R3HDM1: variants seen among roughly 807,000 people sequenced by gnomAD.
R3HDM1 encodes the protein R3H domain containing 1.
In R3HDM1, 46 loss-of-function variants were observed where a neutral mutation model predicts 141.1. The observed-to-expected ratio is 0.33, with a 90% CI of 0.26 to 0.42. R3HDM1 has a LOEUF of 0.42. Ranked by LOEUF, R3HDM1 falls within the 10% of genes least tolerant of loss-of-function variation. R3HDM1 has a pLI of 1.00. For synonymous variants in R3HDM1, 435 were observed against 472.9 expected, an observed-to-expected ratio of 0.92 and a Z score of 1.04; for missense variants, 1,184 against 1,368.3, an observed-to-expected ratio of 0.87 and a Z score of 2.12.
Position 135,649,902 on chromosome 2 carries a change from C to T in R3HDM1, c.1624C>T (p.Pro542Ser). 2 of 1,248,982 alleles carry T rather than the reference C, an allele frequency of 1.6e-6. No individual in the cohort carries two copies. The highest frequency in any genetic ancestry group is 2.9e-5 in the South Asian group (2 of 69,740). The allele number at this position is 1,248,982 out of a possible 1,614,324, so 77.4% of individuals were successfully genotyped here. The change falls in exon 17 of 27, where the codon CCT becomes TCT. Residue 542 changes from proline (P) to serine (S), a missense_variant and splice_region_variant. By Grantham distance (74) the Pro-to-Ser change is moderately conservative. Coordinates refer to ENST00000683871, the MANE Select transcript of R3HDM1 (RefSeq NM_001378107.1). ...TGTTTGCCAACCTGTTATTCTTTAG[C>T]CTGTTCATCCTCTGCAGTCCTCTTC... ...QPAANHIFSQ[P>S]VHPLQSSSQP...
intron 4 of R3HDM1, 28 bp downstream of exon 4, chr2:135,616,221 A>T: frequency 6.3e-7 from 1 of 1,593,692 alleles, no homozygotes; most frequent in Non-Finnish European, 8.6e-7. Context: ...GTGTGCTGGC[A>T]TGCCAAGGGC....
intron 3 of R3HDM1, among the ~76,000 whole-genome samples, chr2:135,610,461 A>G (rs1056052915): frequency 1.3e-5 from 2 of 152,186 alleles, no homozygotes; most frequent in African/African-American, 2.4e-5. Context: ...GCTAAAGTAC[A>G]TGTTTTGTAT....
At chr2:135,587,060 G>C (rs1360359128) in intron 1 of R3HDM1, 1 of 836,026 alleles carries the variant, frequency 1.2e-6, no homozygotes, top group East Asian at 1.2e-4. Flanking sequence ...GCAAAACCTA[G>C]ATCTGTCATT....
At chr2:135,674,922 A>G (rs886162687) in intron 19 of R3HDM1, among the ~76,000 whole-genome samples, 2 of 150,962 alleles carry the variant, frequency 1.3e-5, no homozygotes, top group Non-Finnish European at 2.9e-5. Flanking sequence ...CCAACTTGAA[A>G]TTCTTAATAG....
At chr2:135,715,121 A>C (rs1305871302) in intron 23 of R3HDM1, among the ~76,000 whole-genome samples, 1 of 152,206 alleles carries the variant, frequency 6.6e-6, no homozygotes, top group Non-Finnish European at 1.5e-5. Flanking sequence ...AGGCTGAGCC[A>C]GGCGGATCAC....
Position 135,641,706 on chromosome 2 carries a change from G to T in R3HDM1, c.1390G>T (p.Ala464Ser). Residue 464 changes from alanine to serine, a missense_variant, in exon 15 of 27, where the codon GCA becomes TCA. Coordinates refer to ENST00000683871, the MANE Select transcript of R3HDM1 (RefSeq NM_001378107.1). ...SFDGGLNGQV[A>S]SPSTSFFLLP... ...TGATGGTGGCCTAAATGGGCAAGTC[G>T]CATCTCCTAGCACTAGCTTCTTTTT... 2 of 1,614,104 alleles carry T rather than the reference G, an allele frequency of 1.2e-6. No homozygotes were observed. Among genetic ancestry groups the T allele is most frequent in the Middle Eastern group, 1.6e-4 (1 of 6,062 alleles).
chr2:135,608,053 C>T (rs2060226556), intron 3 of R3HDM1: 1 of 881,964 alleles, frequency 1.1e-6, no homozygotes, highest in Non-Finnish European at 1.4e-6. Context: ...CAGTGGCTCA[C>T]ATCTGTAATC....
At chr2:135,680,809 G>C (rs1048544368) in intron 21 of R3HDM1, among the ~76,000 whole-genome samples, 3 of 152,162 alleles carry the variant, frequency 2.0e-5, no homozygotes, top group African/African-American at 7.2e-5. Flanking sequence ...AGTAAAATCA[G>C]TACAAGGAAA....
intron 21 of R3HDM1, among the ~76,000 whole-genome samples, chr2:135,692,370 C>T (rs1007740240): frequency 2.0e-5 from 3 of 152,130 alleles, no homozygotes; most frequent in African/African-American, 7.2e-5. Context: ...GAGGCCAAGG[C>T]GGGTGGATCA....
At chr2:135,531,751 G>A (rs1212850947) in intron 1 of R3HDM1, 118 bp downstream of exon 1, 2 of 985,866 alleles carry the variant, frequency 2.0e-6, no homozygotes, top group Admixed American at 1.2e-4. Context: ...GGAGAGATGT[G>A]GTGTGTGGAA....
At chr2:135,641,940 AG>A (rs1405561167) in intron 15 of R3HDM1, 150 bp downstream of exon 15, 1 of 1,066,454 alleles carries the variant, frequency 9.4e-7, no homozygotes, top group African/African-American at 1.6e-5. Context: ...ACTTAATGCT[AG>A]GGAAGTTTCA....
intron 1 of R3HDM1, among the ~76,000 whole-genome samples, chr2:135,595,210 T>C (rs1710356788): frequency 6.6e-6 from 1 of 152,176 alleles, no homozygotes; most frequent in African/African-American, 2.4e-5. Context: ...TCAAATCCAT[T>C]TTCCTCCCAG....
rs773462247 is a variant in R3HDM1 at position 135,724,288 on chromosome 2, A to G, written c.3401A>G (p.Gln1134Arg). Residue 1134 changes from glutamine (Q) to arginine (R), a missense_variant, in exon 27 of 27, where the codon CAG (glutamine) becomes CGG (arginine). By Grantham distance (43) the Gln-to-Arg change is conservative (BLOSUM62 1). Around this residue, in one of 5 missense-constraint regions of R3HDM1, gnomAD observed 182 missense variants for 252.6 expected, o/e 0.72. Coordinates refer to ENST00000683871, the MANE Select transcript of R3HDM1 (RefSeq NM_001378107.1). ...CACATTTTGGAAAGGGCAAGTTCTC[A>G]GTAACAGCCACCTTTGGACCCTTCG... is the stretch of plus-strand genomic sequence containing the variant. ...DFHILERASS[Q>R] is the part of the protein sequence containing the mutation. 6.2e-7 allele frequency: 1 copy of G among 1,601,546 alleles called. No homozygotes were observed. The highest frequency in any genetic ancestry group is 1.1e-5 in the South Asian group (1 of 90,124).
chr2:135,666,920 T>TA, intron 19 of R3HDM1: 8 of 159,190 alleles, frequency 5.0e-5, no homozygotes, highest in Non-Finnish European at 5.8e-5. Context: ...TGGCTCATCT[T>TA]TAAAAAAAAA....
At chr2:135,649,050 C>CAG (rs1553602514) in intron 16 of R3HDM1, 1 of 150,060 alleles carries the variant, frequency 6.7e-6, no homozygotes, top group Non-Finnish European at 1.5e-5. Context: ...TAGTTCCCAC[C>CAG]ATATATATAT....
Position 135,619,899 on chromosome 2 carries a change from A to G in R3HDM1, c.304-1595A>G, listed in dbSNP as rs375409915. Reference sequence around the variant, plus strand: ...TATTGACAGAGTGAAGAGTAAAGGAATTGCAGTTTCCTATGGAGAGGTAGC... The same window carrying G: ...TATTGACAGAGTGAAGAGTAAAGGAGTTGCAGTTTCCTATGGAGAGGTAGC... On this transcript the variant is annotated intron_variant, in intron 5 of 26. Transcript: ENST00000683871. 7.0e-5 allele frequency: 13 copies of G among 186,214 alleles called. 1 individual carries two copies. The South Asian group carries it at 2.4e-3, about 34-fold the overall frequency. 11.5% of individuals were successfully genotyped at this position (186,214 alleles called of 1,614,324 possible). A position where few individuals can be genotyped will look rare whatever the true frequency, so the allele number is the denominator to read the frequency against.
intron 19 of R3HDM1, among the ~76,000 whole-genome samples, chr2:135,669,902 A>G (rs1291618957): frequency 6.6e-6 from 1 of 152,112 alleles, no homozygotes; most frequent in Non-Finnish European, 1.5e-5. Flanking sequence ...ACTTCGGGAG[A>G]CTGAGGTGGT....
At chr2:135,551,420 T>C (rs1303426164) in intron 1 of R3HDM1, among the ~76,000 whole-genome samples, 1 of 152,176 alleles carries the variant, frequency 6.6e-6, no homozygotes, top group Non-Finnish European at 1.5e-5. Context: ...TCCATGTACC[T>C]AGTAGAATGA....
At chr2:135,625,522 T>C (rs1485001860) in intron 7 of R3HDM1, among the ~76,000 whole-genome samples, 1 of 152,198 alleles carries the variant, frequency 6.6e-6, no homozygotes, top group East Asian at 1.9e-4. Flanking sequence ...TTGCGAAATA[T>C]ATATATTTGG....
Sources: allele counts gnomAD v4.1 joint callset (sites outside exome capture counted in the v4.1 genomes callset), GRCh38; gene constraint gnomAD v4.1.1; regional missense constraint gnomAD v4.1.1; transcripts MANE v1.5; gene names NCBI Gene and HGNC (gene_info 2026-07-23, HGNC 2026-07-21).